Variants in ZNF577 observed in about 807,000 individuals in gnomAD.
The protein encoded by ZNF577 is zinc finger protein 577.
A neutral mutation model predicts 13.9 loss-of-function variants in ZNF577; 14 were observed. That is an observed-to-expected ratio of 1.00 (90% CI 0.66 to 1.57). The LOEUF (loss-of-function observed/expected upper bound fraction) is 1.57, where lower values mean the gene tolerates loss of function less well. Among genes scored for constraint, ZNF577 ranks in the 40% most tolerant of loss-of-function variants. The pLI, the probability that ZNF577 is intolerant of heterozygous loss-of-function variation, is 0.00. For missense variants in ZNF577, 555 were observed against 579.2 expected (o/e 0.96, Z 0.43); for synonymous variants, 203 against 202.9 (o/e 1.00, Z 0.00).
chr19:51,869,661 G>A lies in ZNF577; in HGVS notation c.*2871C>T, dbSNP rs1269194959. 2.0e-5 allele frequency among the ~76,000 whole-genome samples: 3 copies of A among 152,122 alleles called. No homozygotes were observed. The highest frequency in any genetic ancestry group is 2.9e-5 in the Non-Finnish European group (2 of 68,030). On this transcript the variant is annotated 3_prime_UTR_variant, in exon 6 of 6. Coordinates refer to ENST00000638348, the MANE Select transcript of ZNF577 (RefSeq NM_001370449.1). The stretch of plus-strand genomic sequence containing the variant: ...TTCTCAGTCTCTCGTCCCCCCTGAC[G>A]AGAAACACCCACAGGTGTGGACGGG...
chr19:51,810,501 A>G (rs939726009), intron 10 of ZNF577, among the ~76,000 whole-genome samples: 6 of 152,304 alleles, frequency 3.9e-5, no homozygotes, highest in Admixed American at 1.3e-4. Flanking sequence ...GCCTGTGCAC[A>G]CTGCTGATAA....
intron 5 of ZNF577, among the ~76,000 whole-genome samples, chr19:51,848,264 C>T (rs192043530): frequency 1.3e-5 from 2 of 152,276 alleles, no homozygotes; most frequent in East Asian, 1.9e-4. Flanking sequence ...GCTGCGCCCA[C>T]GCTGCCTCGT....
At chr19:51,859,591 CAG>C (rs34526055) in intron 5 of ZNF577, among the ~76,000 whole-genome samples, 17,827 of 151,950 alleles carry the variant, frequency 0.12, 1,304 homozygotes, top group Non-Finnish European at 0.15. Flanking sequence ...TTGGATGTTT[CAG>C]AGTTATAAGG....
intron 3 of ZNF577, chr19:51,878,927 C>T (rs570055856): frequency 1.9e-5 from 3 of 160,538 alleles, no homozygotes; most frequent in South Asian, 3.5e-4. Context: ...AAAAATTAAG[C>T]TCCCAAATAA....
chr19:51,855,827 A>G (rs2084412216), intron 5 of ZNF577: 1 of 152,168 alleles, frequency 6.6e-6, no homozygotes, highest in Non-Finnish European at 1.5e-5. Context: ...AAGATATATA[A>G]TGACATTGCT....
intron 8 of ZNF577, among the ~76,000 whole-genome samples, chr19:51,841,561 A>G (rs951135689): frequency 1.1e-4 from 16 of 152,052 alleles, no homozygotes; most frequent in African/African-American, 3.6e-4. Context: ...TACTGTTGAA[A>G]CTGCACTGCC....
intron 3 of ZNF577, among the ~76,000 whole-genome samples, chr19:51,879,101 C>CA (rs1297977292): frequency 1.3e-5 from 2 of 151,640 alleles, no homozygotes; most frequent in East Asian, 1.9e-4. Flanking sequence ...ACTAAAAATA[C>CA]AAAAAATTAG....
At chr19:51,813,359 GA>G (rs2084111541) in intron 9 of ZNF577, among the ~76,000 whole-genome samples, 1 of 152,012 alleles carries the variant, frequency 6.6e-6, no homozygotes, top group Admixed American at 6.6e-5. Flanking sequence ...AATCATAATT[GA>G]AAACCTCCAC....
intron 10 of ZNF577, among the ~76,000 whole-genome samples, chr19:51,807,544 G>A (rs1261238603): frequency 6.6e-6 from 1 of 152,176 alleles, no homozygotes; most frequent in Non-Finnish European, 1.5e-5. Flanking sequence ...AACTAGCTCT[G>A]AGCATTGACC....
At chr19:51,817,984 T>C (rs1181871781) in intron 9 of ZNF577, 3 of 152,016 alleles carry the variant, frequency 2.0e-5, no homozygotes, top group Admixed American at 6.6e-5. Context: ...CAGTCTTTTT[T>C]TTTTCTTTTT....
chr19:51,869,585 G>A lies in ZNF577; in HGVS notation c.*2947C>T, dbSNP rs925797241. Among the ~76,000 whole-genome samples the A allele has an allele frequency of 6.6e-6, 1 of 151,394 alleles. No homozygotes were observed. Among genetic ancestry groups the A allele is most frequent in the African/African-American group, 2.4e-5 (1 of 41,302 alleles). On this transcript the variant is annotated 3_prime_UTR_variant, in exon 6 of 6. Coordinates refer to ENST00000638348, the MANE Select transcript of ZNF577 (RefSeq NM_001370449.1). ...CCATATGCTGAGCACCGGTCCCCTG[G>A]GGCCACTGTTCTTTCTCTACTTTGT...
intron 5 of ZNF577, among the ~76,000 whole-genome samples, chr19:51,846,632 C>T (rs577785871): frequency 6.6e-6 from 1 of 151,994 alleles, no homozygotes; most frequent in South Asian, 2.1e-4. Context: ...CACTTGAACC[C>T]GGGAGGCAGA....
chr19:51,876,618 G>A (rs79768574), intron 5 of ZNF577, among the ~76,000 whole-genome samples: 11 of 152,094 alleles, frequency 7.2e-5, no homozygotes, highest in South Asian at 2.1e-4. Flanking sequence ...ACTTTTAAGC[G>A]ACAGAAGTGC....
Position 51,872,441 on chromosome 19 carries a change from C to T in ZNF577, c.*91G>A. 9.3e-7 allele frequency: 1 copy of T among 1,074,256 alleles called. No individual in the cohort carries two copies. Among genetic ancestry groups the T allele is most frequent in the Non-Finnish European group, 1.3e-6 (1 of 768,624 alleles). The allele number at this position is 1,074,256 out of a possible 1,614,324, so 66.5% of individuals were successfully genotyped here. A position where few individuals can be genotyped will look rare whatever the true frequency, so the allele number is the denominator to read the frequency against. ...AAATGTCCTCCACAACCACTGCCTC[C>T]ACAGTGTTTCAGCCCTAAATGAGCT... is the stretch of plus-strand genomic sequence containing the variant. On this transcript the variant is annotated 3_prime_UTR_variant, in exon 6 of 6. Transcript: ENST00000638348.
At chr19:51,833,647 G>A (rs937137647) in intron 9 of ZNF577, among the ~76,000 whole-genome samples, 4 of 152,102 alleles carry the variant, frequency 2.6e-5, no homozygotes, top group Non-Finnish European at 5.9e-5. Context: ...TCTACTGAGA[G>A]GACAATGCCT....
rs1321021930 is a variant in ZNF577, at chr19:51,867,661, T to C, written c.*4871A>G. On this transcript the variant is annotated 3_prime_UTR_variant, in exon 6 of 6. Coordinates refer to ENST00000638348, the MANE Select transcript of ZNF577 (RefSeq NM_001370449.1). ...TTAGCCGGGTGTGGTGGCAGGCACC[T>C]GTAATCCCAGCTACTCAGGAAGCTG... 6.6e-6 allele frequency among the ~76,000 whole-genome samples: 1 copy of C among 150,470 alleles called. No individual in the cohort carries two copies. The highest frequency in any genetic ancestry group is 1.5e-5 in the Non-Finnish European group (1 of 67,762).
At chr19:51,845,403 C>A (rs1266228464) in intron 5 of ZNF577, among the ~76,000 whole-genome samples, 1 of 151,906 alleles carries the variant, frequency 6.6e-6, no homozygotes, top group African/African-American at 2.4e-5. Context: ...GCAGGAGAAT[C>A]GCTTGAACCC....
intron 9 of ZNF577, among the ~76,000 whole-genome samples, chr19:51,831,333 T>C (rs2084260220): frequency 6.6e-6 from 1 of 152,150 alleles, no homozygotes; most frequent in South Asian, 2.1e-4. Flanking sequence ...GCCAGGCTGG[T>C]CTCAAACTCC....
Position 51,872,270 on chromosome 19 carries a change from C to A in ZNF577, c.*262G>T. On this transcript the variant is annotated 3_prime_UTR_variant, in exon 6 of 6. Coordinates refer to ENST00000638348, the MANE Select transcript of ZNF577 (RefSeq NM_001370449.1). Reference sequence around the variant, plus strand: ...ACGAGGCACAATTTAGCGCTAAAAGCACCATCACAATCTTTCATAAATATT... The same window carrying A: ...ACGAGGCACAATTTAGCGCTAAAAGAACCATCACAATCTTTCATAAATATT... 3.2e-6 allele frequency: 1 copy of A among 316,654 alleles called. No homozygotes were observed. The highest frequency in any genetic ancestry group is 5.8e-6 in the Non-Finnish European group (1 of 172,934). 19.6% of individuals were successfully genotyped at this position (316,654 alleles called of 1,614,324 possible).
Sources: allele counts gnomAD v4.1 joint callset (sites outside exome capture counted in the v4.1 genomes callset), GRCh38; gene constraint gnomAD v4.1.1; transcripts MANE v1.5; gene names NCBI Gene and HGNC (gene_info 2026-07-23, HGNC 2026-07-21).